RAP1GDS1: variants seen among roughly 807,000 people sequenced by gnomAD.
RAP1GDS1 encodes the protein RAP1, GTP-GDP dissociation stimulator 1.
In RAP1GDS1, 35 loss-of-function variants were observed where a neutral mutation model predicts 71.1. That is an observed-to-expected ratio of 0.49 (90% confidence interval 0.38 to 0.65). The LOEUF (loss-of-function observed/expected upper bound fraction) is 0.65, where lower values mean the gene tolerates loss of function less well. Ranked by LOEUF, RAP1GDS1 falls within the 30% of genes least tolerant of loss-of-function variation. The pLI is 0.00. For missense variants in RAP1GDS1, 663 were observed against 706.1 expected, an observed-to-expected ratio of 0.94 and a Z score of 0.69; for synonymous variants, 229 against 243.1, an observed-to-expected ratio of 0.94 and a Z score of 0.54.
chr4:98,440,536 A>T (rs904022438), intron 14 of RAP1GDS1, among the ~76,000 whole-genome samples: 1 of 152,198 alleles, frequency 6.6e-6, no homozygotes, highest in African/African-American at 2.4e-5. Flanking sequence ...GTAATGGCCA[A>T]ACTAATGAGT....
At chr4:98,305,044 A>G (rs1355855460) in intron 2 of RAP1GDS1, among the ~76,000 whole-genome samples, 3 of 152,172 alleles carry the variant, frequency 2.0e-5, no homozygotes, top group Admixed American at 1.3e-4. Context: ...TTTTTGTACC[A>G]GTACCATGCT....
At chr4:98,315,421 T>G (rs1214717480) in intron 2 of RAP1GDS1, among the ~76,000 whole-genome samples, 1 of 152,134 alleles carries the variant, frequency 6.6e-6, no homozygotes, top group Non-Finnish European at 1.5e-5. Context: ...ACAATTACAG[T>G]GCTGTGTGTG....
chr4:98,304,940 A>T (rs1346987498), intron 2 of RAP1GDS1, among the ~76,000 whole-genome samples: 1 of 151,872 alleles, frequency 6.6e-6, no homozygotes, highest in East Asian at 1.9e-4. Context: ...AGCACGATTT[A>T]TTAAATAGGG....
chr4:98,342,928 A>G (rs1735697177), intron 2 of RAP1GDS1, among the ~76,000 whole-genome samples: 1 of 152,066 alleles, frequency 6.6e-6, no homozygotes, highest in Admixed American at 6.6e-5. Flanking sequence ...AAAATATTAT[A>G]TTATCAAGTG....
chr4:98,307,798 A>G (rs1729546674), intron 2 of RAP1GDS1, among the ~76,000 whole-genome samples: 1 of 152,112 alleles, frequency 6.6e-6, no homozygotes, highest in African/African-American at 2.4e-5. Context: ...AACATCTACA[A>G]AGTGATACTT....
intron 6 of RAP1GDS1, among the ~76,000 whole-genome samples, chr4:98,402,191 C>G (rs1188986545): frequency 6.6e-6 from 1 of 152,128 alleles, no homozygotes; most frequent in African/African-American, 2.4e-5. Flanking sequence ...TGTGCCTCAG[C>G]CTCCTGAGTA....
intron 12 of RAP1GDS1, among the ~76,000 whole-genome samples, chr4:98,430,255 T>C (rs1033046092): frequency 3.9e-5 from 6 of 152,176 alleles, no homozygotes; most frequent in African/African-American, 1.4e-4. Flanking sequence ...AACTTTATAG[T>C]TACATATTAC....
At chr4:98,341,521 G>T (rs1735499008) in intron 2 of RAP1GDS1, among the ~76,000 whole-genome samples, 1 of 152,172 alleles carries the variant, frequency 6.6e-6, no homozygotes, top group African/African-American at 2.4e-5. Flanking sequence ...AAATGCTTCG[G>T]CTTCATATCT....
At chr4:98,286,152 A>G (rs1725966701) in intron 1 of RAP1GDS1, among the ~76,000 whole-genome samples, 1 of 151,488 alleles carries the variant, frequency 6.6e-6, no homozygotes, top group Admixed American at 6.6e-5. Context: ...GTGGCCCCAT[A>G]TATTCAGCTT....
chr4:98,350,051 A>C (rs1258423898), intron 3 of RAP1GDS1, among the ~76,000 whole-genome samples: 1 of 152,188 alleles, frequency 6.6e-6, no homozygotes, highest in Non-Finnish European at 1.5e-5. Context: ...TTGAGTAAAA[A>C]ATGGTTCCAA....
chr4:98,271,392 G>A (rs1723433482), intron 1 of RAP1GDS1, among the ~76,000 whole-genome samples: 1 of 152,058 alleles, frequency 6.6e-6, no homozygotes, highest in South Asian at 2.1e-4. Flanking sequence ...AAATAGCCCT[G>A]ATTTGTGATG....
At chr4:98,295,847 T>C (rs1479023026) in intron 2 of RAP1GDS1, among the ~76,000 whole-genome samples, 1 of 152,054 alleles carries the variant, frequency 6.6e-6, no homozygotes, top group Non-Finnish European at 1.5e-5. Context: ...TTATAGGCAT[T>C]TATTGATACA....
At chr4:98,324,449 G>A (rs1732579746) in intron 2 of RAP1GDS1, among the ~76,000 whole-genome samples, 1 of 151,258 alleles carries the variant, frequency 6.6e-6, no homozygotes, top group African/African-American at 2.5e-5. Flanking sequence ...CCAAGAAAGA[G>A]CCCGCATCGC....
chr4:98,434,057 A>C lies in RAP1GDS1; in HGVS notation c.1562A>C (p.Glu521Ala), dbSNP rs181982269. The C allele has an allele frequency of 4.3e-6, 7 of 1,613,650 alleles. No homozygotes were observed. The Admixed American group carries it at 8.3e-5, about 19-fold the overall frequency. The change falls in exon 13 of 15, where the codon GAA (glutamate) becomes GCA (alanine). Residue 521 changes from glutamate (E) to alanine (A), a missense_variant. Transcript: ENST00000408927. Reference protein sequence around the residue: ...LVALALIAALELGTAEKDLES... With the variant: ...LVALALIAALALGTAEKDLES... ...GCTTTGGCATTAATAGCAGCTTTAG[A>C]ATTGGGTAAGTACCCCAGTGACAAA...
intron 12 of RAP1GDS1, among the ~76,000 whole-genome samples, chr4:98,428,699 G>C (rs573283770): frequency 2.6e-5 from 4 of 152,208 alleles, no homozygotes; most frequent in Non-Finnish European, 5.9e-5. Flanking sequence ...AATAGATGTT[G>C]GCATGGATGC....
chr4:98,364,138 TA>T (rs1427227259), intron 4 of RAP1GDS1, among the ~76,000 whole-genome samples: 1 of 152,202 alleles, frequency 6.6e-6, no homozygotes, highest in Non-Finnish European at 1.5e-5. Context: ...TATATCTTTA[TA>T]TTCTTTTACC....
intron 1 of RAP1GDS1, among the ~76,000 whole-genome samples, chr4:98,290,642 GT>G (rs895796833): frequency 2.1e-4 from 32 of 152,094 alleles, no homozygotes; most frequent in African/African-American, 7.7e-4. Flanking sequence ...GCTTGGCAAA[GT>G]TTGAAGGTTT....
In RAP1GDS1 at chr4:98,267,237, A is replaced by G. The variant is rs549199085; in HGVS notation, c.4+5668A>G. 2.1e-4 allele frequency among the ~76,000 whole-genome samples: 32 copies of G among 152,272 alleles called. 1 individual carries two copies. Among genetic ancestry groups the G allele is most frequent in the Admixed American group, 1.0e-3 (16 of 15,276 alleles). The stretch of plus-strand genomic sequence containing the variant: ...GTATCAGGGTAATGCTGGCCTCATT[A>G]AATGAGTTTGGAAGTATTTCCCTTC... On this transcript the variant is annotated intron_variant, in intron 1 of 14. Transcript: ENST00000408927.
intron 6 of RAP1GDS1, among the ~76,000 whole-genome samples, chr4:98,395,392 A>G (rs1238150431): frequency 6.6e-6 from 1 of 152,186 alleles, no homozygotes; most frequent in Non-Finnish European, 1.5e-5. Flanking sequence ...CTTACATAAT[A>G]AATATATACT....
Sources: gnomAD v4.1 joint callset for allele counts (sites outside exome capture counted in the v4.1 genomes callset) on GRCh38, gnomAD v4.1.1 for gene constraint, MANE v1.5 for transcripts, NCBI Gene and HGNC (gene_info 2026-07-23, HGNC 2026-07-21) for gene names.